Variants in CSMD1 observed in about 807,000 individuals in gnomAD.
The protein encoded by CSMD1 is CUB and sushi domain-containing protein 1.
A neutral mutation model predicts 417.5 loss-of-function variants in CSMD1; 213 were observed. The ratio of observed to expected loss-of-function variants is 0.51; its 90% CI spans 0.46 to 0.57. The LOEUF (loss-of-function observed/expected upper bound fraction) is 0.57. Ranked by LOEUF, CSMD1 falls within the 20% of genes least tolerant of loss-of-function variation. CSMD1 has a pLI of 0.00. For missense variants in CSMD1, 6,923 were observed against 4,529.7 expected, an observed-to-expected ratio of 1.53 and a Z score of -15.17; for synonymous variants, 2,862 against 1,736.8, an observed-to-expected ratio of 1.65 and a Z score of -16.11.
At chr8:2,952,682 T>C (rs571979001) in intron 65 of CSMD1, among the ~76,000 whole-genome samples, 1 of 145,002 alleles carries the variant, frequency 6.9e-6, no homozygotes, top group East Asian at 2.1e-4. Context: ...TTAAAGTACA[T>C]AAAAAATATC....
chr8:2,985,114 A>G (rs1175986361), intron 54 of CSMD1, among the ~76,000 whole-genome samples: 1 of 152,216 alleles, frequency 6.6e-6, no homozygotes, highest in Non-Finnish European at 1.5e-5. Flanking sequence ...ATACGTCCCA[A>G]TATAAACTGT....
At chr8:4,824,505 T>C (rs1225635650) in intron 1 of CSMD1, among the ~76,000 whole-genome samples, 1 of 152,078 alleles carries the variant, frequency 6.6e-6, no homozygotes, top group Non-Finnish European at 1.5e-5. Context: ...AACAGAGTAG[T>C]CCCAATTAAA....
At chr8:3,314,205 G>T (rs1220907832) in intron 23 of CSMD1, among the ~76,000 whole-genome samples, 1 of 151,918 alleles carries the variant, frequency 6.6e-6, no homozygotes, top group Non-Finnish European at 1.5e-5. Flanking sequence ...CACCAACATG[G>T]CACATGTATA....
rs896656691 is a variant in CSMD1, at chr8:4,443,568, C to T, written c.303-23503G>A. Among the ~76,000 whole-genome samples the T allele has an allele frequency of 2.6e-5, 4 of 152,104 alleles. No homozygotes were observed. The South Asian group carries it at 8.3e-4, about 32-fold the overall frequency. ...TATGTCAGCCACGTGTGGCTCAAGACACATGAATAATATGCATTTGCTTAA... is the reference window on the plus strand; with the variant it reads ...TATGTCAGCCACGTGTGGCTCAAGATACATGAATAATATGCATTTGCTTAA... On this transcript the variant is annotated intron_variant, in intron 2 of 69. Transcript: ENST00000635120.
chr8:3,300,639 G>A (rs181671959), intron 25 of CSMD1, among the ~76,000 whole-genome samples: 1 of 151,998 alleles, frequency 6.6e-6, no homozygotes, highest in African/African-American at 2.4e-5. Context: ...AAGACTACTT[G>A]TCACATCATT....
chr8:4,087,539 C>T (rs985434322), intron 3 of CSMD1, among the ~76,000 whole-genome samples: 2 of 152,150 alleles, frequency 1.3e-5, no homozygotes, highest in Non-Finnish European at 1.5e-5. Flanking sequence ...CAAGGCGAGG[C>T]TTTCCCTGGC....
intron 5 of CSMD1, among the ~76,000 whole-genome samples, chr8:3,982,429 A>T (rs1407396193): frequency 2.0e-5 from 3 of 151,982 alleles, no homozygotes; most frequent in Admixed American, 2.0e-4. Flanking sequence ...ACAATAAGAC[A>T]TGGAATTAAT....
chr8:4,618,384 T>C (rs1801595897), intron 2 of CSMD1, among the ~76,000 whole-genome samples: 1 of 152,134 alleles, frequency 6.6e-6, no homozygotes, highest in African/African-American at 2.4e-5. Flanking sequence ...CAGTTTACTT[T>C]GCAGAAATAT....
intron 3 of CSMD1, among the ~76,000 whole-genome samples, chr8:4,105,956 C>T (rs1801546460): frequency 6.6e-6 from 1 of 152,168 alleles, no homozygotes; most frequent in Non-Finnish European, 1.5e-5. Context: ...CCTGAATTAG[C>T]CACAAGTCCC....
At chr8:4,475,567 T>C (rs1800755695) in intron 2 of CSMD1, among the ~76,000 whole-genome samples, 1 of 152,140 alleles carries the variant, frequency 6.6e-6, no homozygotes. Flanking sequence ...ACGTCTTAAA[T>C]ACCACCCAGG....
chr8:3,251,077 G>T (rs78585419), intron 26 of CSMD1, among the ~76,000 whole-genome samples: 3 of 151,940 alleles, frequency 2.0e-5, no homozygotes, highest in Non-Finnish European at 4.4e-5. Flanking sequence ...ATTAGATCCC[G>T]TTTGTCAATT....
chr8:4,732,369 GTGTGTGTGTGTGTA>G (rs1013883256), intron 1 of CSMD1, among the ~76,000 whole-genome samples: 4 of 149,166 alleles, frequency 2.7e-5, no homozygotes, highest in Non-Finnish European at 4.4e-5. Flanking sequence ...GTGTGTGTGT[GTGTGTGTGTGTGTA>G]GTGTTTTTCC....
intron 3 of CSMD1, among the ~76,000 whole-genome samples, chr8:4,271,905 T>C (rs1328752331): frequency 6.6e-6 from 1 of 152,128 alleles, no homozygotes; most frequent in Admixed American, 6.6e-5. Context: ...AGGGGATTGG[T>C]TCGAGGATCC....
chr8:3,548,193 T>C (rs1238552182), intron 10 of CSMD1, among the ~76,000 whole-genome samples: 1 of 152,196 alleles, frequency 6.6e-6, no homozygotes, highest in Non-Finnish European at 1.5e-5. Context: ...AGGATTCCTT[T>C]GCCTTCCTCA....
intron 1 of CSMD1, among the ~76,000 whole-genome samples, chr8:4,650,117 G>A (rs1381197702): frequency 5.9e-5 from 9 of 152,022 alleles, no homozygotes; most frequent in East Asian, 1.9e-4. Flanking sequence ...AGGCCGAGGC[G>A]GGCGGATCAC....
At chr8:4,412,654 C>G (rs1796712138) in intron 3 of CSMD1, among the ~76,000 whole-genome samples, 1 of 152,158 alleles carries the variant, frequency 6.6e-6, no homozygotes, top group Non-Finnish European at 1.5e-5. Context: ...ACTAGATTTT[C>G]TGATGCTAAG....
chr8:4,929,945 G>C (rs1363084706), intron 1 of CSMD1, among the ~76,000 whole-genome samples: 1 of 152,192 alleles, frequency 6.6e-6, no homozygotes, highest in Non-Finnish European at 1.5e-5. Context: ...TAGTTCCTGA[G>C]TGAAGCTACA....
At chr8:4,458,141 G>T (rs541597320) in intron 2 of CSMD1, among the ~76,000 whole-genome samples, 1 of 151,888 alleles carries the variant, frequency 6.6e-6, no homozygotes, top group East Asian at 1.9e-4. Flanking sequence ...TTACTTTATG[G>T]TTTTGCTGTC....
intron 3 of CSMD1, among the ~76,000 whole-genome samples, chr8:4,050,883 G>A (rs140920847): frequency 6.6e-6 from 1 of 152,048 alleles, no homozygotes; most frequent in African/African-American, 2.4e-5. Flanking sequence ...AATACTCCCA[G>A]ATTAAAAATA....
Sources: allele counts gnomAD v4.1 joint callset (sites outside exome capture counted in the v4.1 genomes callset), GRCh38; gene constraint gnomAD v4.1.1; transcripts MANE v1.5; gene names NCBI Gene and HGNC (gene_info 2026-07-23, HGNC 2026-07-21).